ROPN1L: variants seen among roughly 807,000 people sequenced by gnomAD.
The protein encoded by ROPN1L is ropporin-1-like protein.
A neutral mutation model predicts 22.7 loss-of-function variants in ROPN1L; 23 were observed. The ratio of observed to expected loss-of-function variants is 1.01; its 90% CI spans 0.73 to 1.43. The LOEUF is 1.43. Ranked by LOEUF, ROPN1L falls within the 40% of genes most tolerant of loss-of-function variation. ROPN1L has a pLI of 0.00. For missense variants in ROPN1L, 271 were observed against 291.5 expected (o/e 0.93, Z 0.51); for synonymous variants, 116 against 117.8 (o/e 0.98, Z 0.10).
At chr5:10,480,358 C>G in the ROPN1L span, among the ~76,000 whole-genome samples, 3 of 152,184 alleles carry the variant, frequency 2.0e-5, no homozygotes, top group African/African-American at 4.8e-5. Context: ...AGATGAACCT[C>G]CCGGAGTAGG....
chr5:10,461,867 G>A (rs1292287657), intron 4 of ROPN1L, among the ~76,000 whole-genome samples: 3 of 152,254 alleles, frequency 2.0e-5, no homozygotes, highest in Non-Finnish European at 2.9e-5. Context: ...CAAAGGGCAA[G>A]GTCTGGAAGG....
At chr5:10,478,403 GA>G in the ROPN1L span, among the ~76,000 whole-genome samples, 1 of 152,138 alleles carries the variant, frequency 6.6e-6, no homozygotes, top group African/African-American at 2.4e-5. Context: ...CACAGTCCTG[GA>G]GGCTAGAAAT....
At chr5:10,453,393 C>T (rs1052728193) in intron 3 of ROPN1L, among the ~76,000 whole-genome samples, 2 of 152,124 alleles carry the variant, frequency 1.3e-5, no homozygotes, top group African/African-American at 2.4e-5. Flanking sequence ...TGTTGTTGAC[C>T]TTGTTGGCCC....
At chr5:10,450,825 T>C (rs1320732222) in intron 3 of ROPN1L, among the ~76,000 whole-genome samples, 1 of 152,168 alleles carries the variant, frequency 6.6e-6, no homozygotes, top group Non-Finnish European at 1.5e-5. Flanking sequence ...TATTAATAAC[T>C]AATAGATACA....
intron 3 of ROPN1L, among the ~76,000 whole-genome samples, chr5:10,457,209 C>T (rs939715424): frequency 6.6e-6 from 1 of 152,190 alleles, no homozygotes; most frequent in African/African-American, 2.4e-5. Flanking sequence ...GCTGCACTCA[C>T]CCCCTAACCG....
chr5:10,470,079 CA>C (rs1181534159), intron 4 of ROPN1L, among the ~76,000 whole-genome samples: 1 of 152,148 alleles, frequency 6.6e-6, no homozygotes, highest in African/African-American at 2.4e-5. Flanking sequence ...AGAAATTAAT[CA>C]TTTATTGAGT....
chr5:10,445,738 C>T (rs886490765), intron 1 of ROPN1L, among the ~76,000 whole-genome samples: 2 of 152,082 alleles, frequency 1.3e-5, no homozygotes, highest in Non-Finnish European at 2.9e-5. Context: ...CCAGCCTGCA[C>T]AACGTGGCAA....
intron 4 of ROPN1L, 66 bp downstream of exon 4, chr5:10,461,425 C>T: frequency 1.4e-6 from 2 of 1,415,738 alleles, no homozygotes; most frequent in Non-Finnish European, 2.0e-6. Context: ...TTTCACTTCC[C>T]CCTTGTAGGG....
chr5:10,461,249 T>C lies in ROPN1L; in HGVS notation c.483T>C (p.Ala161=), dbSNP rs765047052. The stretch of plus-strand genomic sequence containing the variant: ...CGGACGATCCGGAGGGCGGGCCCGC[T>C]CGCATCCCCTTCAAGACGTTTTCCT... The part of the protein sequence containing the change: ...ILTDDPEGGP[A]RIPFKTFSYV... Residue 161 remains alanine, a synonymous_variant, in exon 4 of 5, where the codon GCT becomes GCC. Transcript: ENST00000274134. 1.2e-6 allele frequency: 2 copies of C among 1,614,146 alleles called. No individual in the cohort carries two copies. Among genetic ancestry groups the C allele is most frequent in the Non-Finnish European group, 1.7e-6 (2 of 1,180,042 alleles).
At chr5:10,481,536 T>C in the ROPN1L span, among the ~76,000 whole-genome samples, 1 of 152,210 alleles carries the variant, frequency 6.6e-6, no homozygotes, top group African/African-American at 2.4e-5. Flanking sequence ...TGGTTTACTA[T>C]CTCTGGGGAT....
rs755272193 is a variant in ROPN1L at position 10,448,209 on chromosome 5, A to G, written c.132-51A>G. On this transcript the variant is annotated intron_variant, in intron 1 of 4. Coordinates refer to ENST00000274134, the MANE Select transcript of ROPN1L (RefSeq NM_031916.5). ...GGTTATTTAAGAAATTGGATCGCAT[A>G]GCTGTTTTTTGTGTATTGATGAGCT... 6.8e-6 allele frequency: 11 copies of G among 1,607,474 alleles called. 1 individual carries two copies. The Admixed American group carries it at 1.8e-4, about 27-fold the overall frequency.
At chr5:10,474,536 T>C (rs1735293775), downstream of ROPN1L, among the ~76,000 whole-genome samples, 1 of 152,250 alleles carries the variant, frequency 6.6e-6, no homozygotes, top group Non-Finnish European at 1.5e-5. Flanking sequence ...ACCTCAGCTC[T>C]ACACTGCCAG....
chr5:10,448,063 C>A (rs1159285510), intron 1 of ROPN1L, among the ~76,000 whole-genome samples, 197 bp from the exon 2 acceptor site: 2 of 152,112 alleles, frequency 1.3e-5, no homozygotes, highest in African/African-American at 4.8e-5. Flanking sequence ...ATCCCCTTTG[C>A]CAACAGAGAA....
At chr5:10,480,303 G>A in the ROPN1L span, among the ~76,000 whole-genome samples, 1 of 152,128 alleles carries the variant, frequency 6.6e-6, no homozygotes, top group Admixed American at 6.5e-5. Flanking sequence ...TATGTGCCAG[G>A]CAATTGATGC....
chr5:10,477,777 A>G, the ROPN1L span, among the ~76,000 whole-genome samples: 1 of 152,124 alleles, frequency 6.6e-6, no homozygotes, highest in African/African-American at 2.4e-5. Context: ...TAAAAATACA[A>G]AAATTAGCTG....
At chr5:10,454,545 G>A (rs1278760395) in intron 3 of ROPN1L, among the ~76,000 whole-genome samples, 2 of 151,482 alleles carry the variant, frequency 1.3e-5, no homozygotes, top group African/African-American at 4.9e-5. Context: ...TAAGAAAATT[G>A]TGAACCAAGT....
At chr5:10,453,616 G>T (rs1381619609) in intron 3 of ROPN1L, among the ~76,000 whole-genome samples, 1 of 152,256 alleles carries the variant, frequency 6.6e-6, no homozygotes, top group Non-Finnish European at 1.5e-5. Flanking sequence ...GCTAGCCGCT[G>T]CCTGCGTGAG....
downstream of ROPN1L, among the ~76,000 whole-genome samples, chr5:10,469,428 A>G (rs1735211758): frequency 6.6e-6 from 1 of 152,098 alleles, no homozygotes; most frequent in African/African-American, 2.4e-5. Context: ...TTGAGGCCAC[A>G]GTGAGCTATG....
chr5:10,465,225 G>A (rs190601770), downstream of ROPN1L, among the ~76,000 whole-genome samples: 179 of 152,344 alleles, frequency 1.2e-3, no homozygotes, highest in African/African-American at 4.1e-3. Flanking sequence ...TTTGAAAAGT[G>A]GCTTTTTGGG....
Sources: gnomAD v4.1 joint callset for allele counts (sites outside exome capture counted in the v4.1 genomes callset) on GRCh38, gnomAD v4.1.1 for gene constraint, MANE v1.5 for transcripts, NCBI Gene and HGNC (gene_info 2026-07-23, HGNC 2026-07-21) for gene names.